Variants in GALNT16 observed in about 807,000 individuals in gnomAD.
GALNT16 encodes UDP-GalNAc:polypeptide N-acetylgalactosaminyltransferase-like protein 1.
A neutral mutation model predicts 76.1 loss-of-function variants in GALNT16; 40 were observed. The ratio of observed to expected loss-of-function variants is 0.53; its 90% CI spans 0.41 to 0.68. The LOEUF is 0.68. GALNT16 is among the 30% of genes least tolerant of loss of function. The probability of loss-of-function intolerance (pLI) is 0.00; values close to 1 mark genes in which losing one functional copy is unlikely to be tolerated. For missense variants in GALNT16, 621 were observed against 731.9 expected (o/e 0.85, Z 1.75); for synonymous variants, 276 against 285.2 (o/e 0.97, Z 0.32).
intron 1 of GALNT16, among the ~76,000 whole-genome samples, chr14:69,316,779 G>GC (rs1555399677): frequency 7.5e-6 from 1 of 133,972 alleles, no homozygotes. Flanking sequence ...GTCTGTGAGG[G>GC]GGGGGGGCAC....
intron 12 of GALNT16, among the ~76,000 whole-genome samples, chr14:69,346,228 C>T (rs1417021259): frequency 1.3e-5 from 2 of 152,088 alleles, no homozygotes; most frequent in Non-Finnish European, 1.5e-5. Flanking sequence ...GGTTTTCTAT[C>T]GTATGGATGA....
intron 1 of GALNT16, among the ~76,000 whole-genome samples, chr14:69,264,802 C>CTT (rs2044319917): frequency 1.2e-5 from 1 of 86,598 alleles, no homozygotes; most frequent in Non-Finnish European, 2.1e-5. Context: ...TTTTTATTTT[C>CTT]TCTTTTCTTT....
downstream of GALNT16, among the ~76,000 whole-genome samples, chr14:69,360,536 G>A (rs145315086): frequency 2.6e-5 from 4 of 152,006 alleles, no homozygotes; most frequent in African/African-American, 7.2e-5. Flanking sequence ...GCCGAGGCAG[G>A]AGAATCCCTT....
intron 1 of GALNT16, among the ~76,000 whole-genome samples, chr14:69,284,955 T>C (rs1344626210): frequency 6.6e-6 from 1 of 152,054 alleles, no homozygotes. Context: ...GCCATGATTG[T>C]AAGTTTCCTG....
chr14:69,301,376 C>T (rs144979731), intron 1 of GALNT16, among the ~76,000 whole-genome samples: 84 of 152,204 alleles, frequency 5.5e-4, no homozygotes, highest in African/African-American at 1.5e-3. Flanking sequence ...TTATTTGAGA[C>T]GGAGTCTCTC....
At chr14:69,295,320 C>T (rs1437850913) in intron 1 of GALNT16, among the ~76,000 whole-genome samples, 8 of 148,504 alleles carry the variant, frequency 5.4e-5, no homozygotes, top group South Asian at 2.1e-4. Context: ...GAGGCTGAGA[C>T]GGGAGGATCG....
intron 11 of GALNT16, 31 bp from the exon 12 acceptor site, chr14:69,341,650 G>C (rs2045487352): frequency 6.6e-7 from 1 of 1,524,850 alleles, no homozygotes; most frequent in Non-Finnish European, 9.0e-7. Context: ...ACACTGGCAG[G>C]CCAAAGCCCA....
At chr14:69,296,211 A>C (rs1381970595) in intron 1 of GALNT16, among the ~76,000 whole-genome samples, 2 of 152,054 alleles carry the variant, frequency 1.3e-5, no homozygotes, top group African/African-American at 4.8e-5. Context: ...AAACAACCAG[A>C]TCTCATGAGA....
chr14:69,378,938 T>C, the GALNT16 span, among the ~76,000 whole-genome samples: 1 of 151,986 alleles, frequency 6.6e-6, no homozygotes, highest in Non-Finnish European at 1.5e-5. Flanking sequence ...TTATTTTAGC[T>C]TTATTTATTT....
At chr14:69,341,167 C>T (rs2045480805) in intron 11 of GALNT16, among the ~76,000 whole-genome samples, 1 of 152,136 alleles carries the variant, frequency 6.6e-6, no homozygotes, top group Non-Finnish European at 1.5e-5. Context: ...AACTGAGGCT[C>T]AGATAGCTGG....
chr14:69,316,774 T>TGGGGTG (rs765892301), intron 1 of GALNT16, among the ~76,000 whole-genome samples: 1 of 42,684 alleles, frequency 2.3e-5, no homozygotes, highest in Non-Finnish European at 4.7e-5. Flanking sequence ...TTGTAGTCTG[T>TGGGGTG]GAGGGGGGGG....
At chr14:69,326,055 A>AT (rs1176211848) in intron 5 of GALNT16, 28 bp downstream of exon 5, 2 of 1,569,914 alleles carry the variant, frequency 1.3e-6, no homozygotes, top group African/African-American at 2.7e-5. Flanking sequence ...GGGTCCCACC[A>AT]AGGGCCCATC....
chr14:69,362,911 G>A, the GALNT16 span, among the ~76,000 whole-genome samples: 2 of 152,238 alleles, frequency 1.3e-5, no homozygotes, highest in Admixed American at 6.5e-5. Flanking sequence ...CACCTACTTC[G>A]TTCCTGAGTG....
At chr14:69,375,987 C>T in the GALNT16 span, among the ~76,000 whole-genome samples, 3 of 152,030 alleles carry the variant, frequency 2.0e-5, no homozygotes, top group Admixed American at 6.6e-5. Context: ...CGTTAAAAAA[C>T]ATTTCAACCA....
At chr14:69,365,471 C>T in the GALNT16 span, among the ~76,000 whole-genome samples, 1 of 152,118 alleles carries the variant, frequency 6.6e-6, no homozygotes, top group Non-Finnish European at 1.5e-5. Context: ...ATGTCCTTTG[C>T]AGGGACATGG....
chr14:69,368,862 A>T, the GALNT16 span, among the ~76,000 whole-genome samples: 1 of 152,188 alleles, frequency 6.6e-6, no homozygotes, highest in African/African-American at 2.4e-5. Flanking sequence ...TGTGGGAAAG[A>T]GCTGGCCTGT....
chr14:69,322,630 A>G (rs1381512848), intron 2 of GALNT16, among the ~76,000 whole-genome samples: 1 of 152,128 alleles, frequency 6.6e-6, no homozygotes, highest in Non-Finnish European at 1.5e-5. Flanking sequence ...GGTGGCTCAC[A>G]CCTGTAATCC....
chr14:69,297,715 T>TA (rs2044788087), intron 1 of GALNT16, among the ~76,000 whole-genome samples: 2 of 151,804 alleles, frequency 1.3e-5, no homozygotes, highest in South Asian at 4.2e-4. Context: ...ACAAAAATAA[T>TA]ACCATATTGT....
chr14:69,262,736 A>G (rs2044292794), intron 1 of GALNT16, among the ~76,000 whole-genome samples: 1 of 152,138 alleles, frequency 6.6e-6, no homozygotes, highest in Non-Finnish European at 1.5e-5. Flanking sequence ...CACTTTTGAC[A>G]ACTGCCTTGC....
Sources: allele counts gnomAD v4.1 joint callset (sites outside exome capture counted in the v4.1 genomes callset), GRCh38; gene constraint gnomAD v4.1.1; transcripts MANE v1.5; gene names NCBI Gene and HGNC (gene_info 2026-07-23, HGNC 2026-07-21).